The following HDAC9 variants were observed in gnomAD, a reference collection of about 807,000 sequenced individuals.
The protein encoded by HDAC9 is histone deacetylase 9.
Under a neutral mutation model 139.4 loss-of-function variants are expected in HDAC9, and 41 were observed. That is an observed-to-expected ratio of 0.29 (90% confidence interval 0.23 to 0.38). The LOEUF is 0.38. Ranked by LOEUF, HDAC9 falls within the 10% of genes least tolerant of loss-of-function variation. HDAC9 has a pLI of 1.00. For synonymous variants in HDAC9, 517 were observed against 476.2 expected, an observed-to-expected ratio of 1.09 and a Z score of -1.12; for missense variants, 1,147 against 1,297.0, an observed-to-expected ratio of 0.88 and a Z score of 1.78.
At chr7:18,460,139 T>G (rs1050939219) in intron 1 of HDAC9, among the ~76,000 whole-genome samples, 9 of 152,102 alleles carry the variant, frequency 5.9e-5, no homozygotes, top group African/African-American at 2.2e-4. Flanking sequence ...CAGGCTCGTC[T>G]CCAACTCCTG....
rs1310717761 is a variant in HDAC9 at position 18,980,715 on chromosome 7, CTCTTCTTCTTCCTTCTTCT to C, written c.3170+4787_3170+4805del. ...TCTTCTTCCTTCTTCTTCCTTCTTCCTCTTCTTCTTCCTTCTTCTTCTTCTTCTTCCTTCTTCTTCTTCC... is the reference window on the plus strand; with the variant it reads ...TCTTCTTCCTTCTTCTTCCTTCTTCCTCTTCTTCTTCCTTCTTCTTCTTCC... On this transcript the variant is annotated intron_variant, in intron 25 of 25. Coordinates refer to ENST00000686413, the MANE Select transcript of HDAC9 (RefSeq NM_178425.4). Among the ~76,000 whole-genome samples the C allele has an allele frequency of 1.1e-3, 144 of 133,478 alleles. 1 individual carries two copies. The highest frequency in any genetic ancestry group is 3.7e-3 in the Middle Eastern group (1 of 270). The allele number at this position is 133,478 out of a possible 152,430, so 87.6% of individuals were successfully genotyped here. A position where few individuals can be genotyped will look rare whatever the true frequency, so the allele number is the denominator to read the frequency against.
At chr7:18,990,542 C>T (rs1785809572) in intron 25 of HDAC9, among the ~76,000 whole-genome samples, 1 of 152,226 alleles carries the variant, frequency 6.6e-6, no homozygotes, top group African/African-American at 2.4e-5. Context: ...CCTATAGAGG[C>T]AGGCAGGCCT....
chr7:18,867,968 G>A (rs1329057308), intron 21 of HDAC9, among the ~76,000 whole-genome samples: 1 of 151,952 alleles, frequency 6.6e-6, no homozygotes, highest in Non-Finnish European at 1.5e-5. Flanking sequence ...TACTTCCCTT[G>A]TTCTTTGATT....
chr7:18,361,297 A>G lies in HDAC9; in HGVS notation c.-42+70782A>G, dbSNP rs191219472. Among the ~76,000 whole-genome samples, 97 of 152,300 alleles carry G rather than the reference A, an allele frequency of 6.4e-4. 1 individual carries two copies. The highest frequency in any genetic ancestry group is 4.4e-3 in the Admixed American group (67 of 15,300). On this transcript the variant is annotated intron_variant, in intron 1 of 3. Coordinates refer to the HDAC9 transcript ENST00000413509. Reference sequence around the variant, plus strand: ...TTACAGGTACTCATTAAAAATCTCAAACAATACATAAGTAAGTGAAAGTAA... The same window carrying G: ...TTACAGGTACTCATTAAAAATCTCAGACAATACATAAGTAAGTGAAAGTAA...
intron 2 of HDAC9, among the ~76,000 whole-genome samples, chr7:18,182,464 T>G (rs1396017494): frequency 6.6e-6 from 1 of 152,084 alleles, no homozygotes; most frequent in African/African-American, 2.4e-5. Flanking sequence ...TAGTGGGAGG[T>G]AACAAAGGTA....
intron 17 of HDAC9, among the ~76,000 whole-genome samples, chr7:18,806,450 A>G (rs1772488620): frequency 6.6e-6 from 1 of 152,100 alleles, no homozygotes; most frequent in Non-Finnish European, 1.5e-5. Flanking sequence ...TAGCTCCTAG[A>G]GTACTCTCCC....
intron 1 of HDAC9, among the ~76,000 whole-genome samples, chr7:18,317,998 T>C (rs1799775114): frequency 6.6e-6 from 1 of 152,110 alleles, no homozygotes; most frequent in African/African-American, 2.4e-5. Flanking sequence ...CCAGAAAATA[T>C]GATAATGGTT....
At chr7:18,475,204 T>C (rs975852820) in intron 1 of HDAC9, among the ~76,000 whole-genome samples, 2 of 152,130 alleles carry the variant, frequency 1.3e-5, no homozygotes, top group African/African-American at 2.4e-5. Flanking sequence ...TAGTAACAAA[T>C]CTCTGCAAAT....
intron 2 of HDAC9, among the ~76,000 whole-genome samples, chr7:18,259,813 G>T (rs1795525706): frequency 1.3e-5 from 2 of 152,104 alleles, no homozygotes; most frequent in Non-Finnish European, 2.9e-5. Flanking sequence ...GGTAATAAAA[G>T]AGTAGAATGA....
intron 21 of HDAC9, among the ~76,000 whole-genome samples, chr7:18,870,601 T>C (rs1798840126): frequency 6.6e-6 from 1 of 152,154 alleles, no homozygotes; most frequent in South Asian, 2.1e-4. Context: ...TTGGAGAAGA[T>C]ACTTTGGAAT....
At chr7:18,642,602 G>A (rs1294300398) in intron 8 of HDAC9, among the ~76,000 whole-genome samples, 10 of 152,010 alleles carry the variant, frequency 6.6e-5, no homozygotes, top group Admixed American at 4.6e-4. Flanking sequence ...GGACACCATG[G>A]TAGGTGCTGA....
intron 1 of HDAC9, among the ~76,000 whole-genome samples, chr7:18,159,168 C>T (rs1026700045): frequency 2.6e-5 from 4 of 152,162 alleles, no homozygotes; most frequent in African/African-American, 7.2e-5. Context: ...TGGGGAAACT[C>T]ATGTTAAAAT....
intron 22 of HDAC9, among the ~76,000 whole-genome samples, chr7:18,876,139 T>A (rs575008927): frequency 1.4e-4 from 21 of 152,192 alleles, no homozygotes; most frequent in Non-Finnish European, 2.5e-4. Flanking sequence ...TTGAAAATAG[T>A]CGCATGGTTT....
intron 2 of HDAC9, among the ~76,000 whole-genome samples, chr7:18,232,122 A>G (rs1001367187): frequency 5.3e-5 from 8 of 152,192 alleles, no homozygotes; most frequent in Non-Finnish European, 2.9e-5. Flanking sequence ...TTAAAACTCT[A>G]GTGATCTTCT....
At chr7:18,684,516 T>TTTA (rs1304574677) in intron 12 of HDAC9, among the ~76,000 whole-genome samples, 20 of 151,924 alleles carry the variant, frequency 1.3e-4, no homozygotes, top group African/African-American at 4.8e-4. Flanking sequence ...CTGAAAAGGC[T>TTTA]TTAATACACC....
intron 12 of HDAC9, among the ~76,000 whole-genome samples, chr7:18,721,619 C>G (rs776953214): frequency 4.6e-5 from 7 of 152,086 alleles, no homozygotes; most frequent in Non-Finnish European, 7.3e-5. Context: ...GATATTGATT[C>G]TAGCCCATGA....
chr7:18,160,612 A>G (rs1787562440), intron 1 of HDAC9, among the ~76,000 whole-genome samples: 2 of 151,956 alleles, frequency 1.3e-5, no homozygotes, highest in African/African-American at 2.4e-5. Flanking sequence ...CAATGTTTGT[A>G]TTTATTATTA....
At chr7:18,821,592 T>C (rs1000273668) in intron 17 of HDAC9, among the ~76,000 whole-genome samples, 2 of 152,194 alleles carry the variant, frequency 1.3e-5, no homozygotes. Context: ...ACAATTAACA[T>C]AGAACACTTC....
intron 22 of HDAC9, among the ~76,000 whole-genome samples, chr7:18,904,733 G>A (rs1360808198): frequency 2.0e-5 from 3 of 151,156 alleles, no homozygotes; most frequent in Non-Finnish European, 4.4e-5. Flanking sequence ...CCGCCACCAC[G>A]CCCGGCTAAT....
Sources: gnomAD v4.1 joint callset for allele counts (sites outside exome capture counted in the v4.1 genomes callset) on GRCh38, gnomAD v4.1.1 for gene constraint, MANE v1.5 for transcripts, NCBI Gene and HGNC (gene_info 2026-07-23, HGNC 2026-07-21) for gene names.